TRMT5: variants seen among roughly 807,000 people sequenced by gnomAD.
The protein encoded by TRMT5 is tRNA methyltransferase 5.
A neutral mutation model predicts 42.2 loss-of-function variants in TRMT5; 31 were observed. The observed-to-expected ratio is 0.73, with a 90% CI of 0.55 to 0.99. The LOEUF is 0.99. TRMT5 is among the 50% of genes least tolerant of loss of function. TRMT5 has a pLI of 0.00. For synonymous variants in TRMT5, 198 were observed against 209.6 expected, an observed-to-expected ratio of 0.94 and a Z score of 0.48; for missense variants, 568 against 595.0, an observed-to-expected ratio of 0.95 and a Z score of 0.47.
chr14:60,981,400 G>A (rs1207859085), upstream of TRMT5: 1 of 1,569,322 alleles, frequency 6.4e-7, no homozygotes, highest in East Asian at 2.3e-5. Context: ...GGCTGTGTTC[G>A]CTTCCCCGCG....
Position 60,975,726 on chromosome 14 carries a change from G to A in TRMT5, c.1193C>T (p.Ala398Val), listed in dbSNP as rs1422641047. 6 of 1,614,208 alleles carry A rather than the reference G, an allele frequency of 3.7e-6. No individual in the cohort carries two copies. The highest frequency in any genetic ancestry group is 5.1e-6 in the Non-Finnish European group (6 of 1,180,040). The change falls in exon 4 of 5, where the codon GCT (alanine) becomes GTT (valine). Residue 398 changes from alanine to valine, a missense_variant. Ala to Val is a moderately conservative substitution (Grantham distance 64, BLOSUM62 0). Coordinates refer to ENST00000261249, the MANE Select transcript of TRMT5 (RefSeq NM_020810.3). ...CTGCCCATCTAAAAGCCACTTGAAA[G>A]CACTAAGAAACTCTATAGCTTTTGC... ...LPAKAIEFLS[A>V]FKWLLDGQPC...
chr14:60,973,111 T>C lies in TRMT5; in HGVS notation c.*1998A>G, dbSNP rs190621623. On this transcript the variant is annotated 3_prime_UTR_variant, in exon 5 of 5. Transcript: ENST00000261249. ...TCTTGTTTCTTTCTCTTTGATAGTA[T>C]GACAAATGTGTAAGGATATTGTCAT... 6 of 152,420 alleles carry C rather than the reference T, an allele frequency of 3.9e-5. No individual in the cohort carries two copies. The highest frequency in any genetic ancestry group is 9.6e-5 in the African/African-American group (4 of 41,606). The allele number at this position is 152,420 out of a possible 1,614,324, so 9.4% of individuals were successfully genotyped here.
In TRMT5 at chr14:60,972,826, T is replaced by C. The variant is rs2036794753; in HGVS notation, c.*2283A>G. 1 of 162,830 alleles carries C rather than the reference T, an allele frequency of 6.1e-6. No individual in the cohort carries two copies. Among genetic ancestry groups the C allele is most frequent in the Non-Finnish European group, 1.3e-5 (1 of 75,246 alleles). 10.1% of individuals were successfully genotyped at this position (162,830 alleles called of 1,614,324 possible). ...AGATAGGTATTGCCAAATACTGCTATCAATCCAGGAGCATATGAAATTAAC... is the reference window on the plus strand; with the variant it reads ...AGATAGGTATTGCCAAATACTGCTACCAATCCAGGAGCATATGAAATTAAC... On this transcript the variant is annotated 3_prime_UTR_variant, in exon 5 of 5. Coordinates refer to ENST00000261249, the MANE Select transcript of TRMT5 (RefSeq NM_020810.3).
rs1417613341 is a variant in TRMT5 at position 60,973,203 on chromosome 14, G to A, written c.*1906C>T. On this transcript the variant is annotated 3_prime_UTR_variant, in exon 5 of 5. Transcript: ENST00000261249. ...CCATATCAAAGTTGTTTTGCCTTGT[G>A]TTTTAGGCCATTCTTGCATTGCTAT... 2 of 152,164 alleles carry A rather than the reference G, an allele frequency of 1.3e-5. No individual in the cohort carries two copies. Among genetic ancestry groups the A allele is most frequent in the Non-Finnish European group, 1.5e-5 (1 of 68,026 alleles). 9.4% of individuals were successfully genotyped at this position (152,164 alleles called of 1,614,324 possible). A position where few individuals can be genotyped will look rare whatever the true frequency, so the allele number is the denominator to read the frequency against.
chr14:60,981,503 C>T (rs2037017410), upstream of TRMT5: 1 of 1,535,312 alleles, frequency 6.5e-7, no homozygotes, highest in Admixed American at 2.0e-5. Flanking sequence ...AGCCTGAACC[C>T]TGGGGGATGG....
At position 60,975,612 on chromosome 14, in the gene TRMT5, C is replaced by G. The variant is rs1479752398; in HGVS notation, c.1307G>C (p.Gly436Ala). The G allele has an allele frequency of 1.9e-6, 3 of 1,614,054 alleles. No homozygotes were observed. Residue 436 changes from glycine to alanine, a missense_variant, in exon 4 of 5, where the codon GGA becomes GCA. By Grantham distance (60) the Gly-to-Ala change is moderately conservative. Transcript: ENST00000261249. ...NPAEDVRQRA[G>A]AVLGISLEAC... is the part of the protein sequence containing the mutation. ...CTCCAGAGAAATGCCTAACACAGCTCCAGCCCTTTGCCGAACATCCTCAGC... is the reference window on the plus strand; with the variant it reads ...CTCCAGAGAAATGCCTAACACAGCTGCAGCCCTTTGCCGAACATCCTCAGC...
intron 2 of TRMT5, among the ~76,000 whole-genome samples, chr14:60,978,158 A>G (rs1369770004): frequency 2.0e-5 from 3 of 152,330 alleles, no homozygotes; most frequent in East Asian, 3.9e-4. Context: ...TAGATTATTT[A>G]CAGTCCTATC....
chr14:60,981,369 C>T (rs747978137), upstream of TRMT5: 8 of 1,602,432 alleles, frequency 5.0e-6, no homozygotes, highest in African/African-American at 1.1e-4. Context: ...GAGTTGAGTC[C>T]GTTGCTAAGC....
chr14:60,975,979 T>G lies in TRMT5; in HGVS notation c.940A>C (p.Ile314Leu). The change falls in exon 4 of 5, where the codon ATT becomes CTT. Residue 314 changes from isoleucine (I) to leucine (L), a missense_variant. Transcript: ENST00000261249. Reference protein sequence around the residue: ...DVFAGVGPFAIPVAKKNCTVF... With the variant: ...DVFAGVGPFALPVAKKNCTVF... ...GTGCAGTTTTTCTTTGCTACTGGAA[T>G]GGCAAAGGGCCCAACCCCAGCAAAA... 6.2e-7 allele frequency: 1 copy of G among 1,614,200 alleles called. No homozygotes were observed.
chr14:60,978,444 G>C (rs1594926829), intron 2 of TRMT5, among the ~76,000 whole-genome samples: 2 of 152,128 alleles, frequency 1.3e-5, no homozygotes, highest in Middle Eastern at 3.4e-3. Flanking sequence ...TACCCTTTCT[G>C]CTTCATGTAT....
Position 60,975,959 on chromosome 14 carries a change from G to C in TRMT5, c.960C>G (p.Asn320Lys). Residue 320 changes from asparagine to lysine, a missense_variant, in exon 4 of 5, where the codon AAC (asparagine) becomes AAG (lysine). By Grantham distance (94) the Asn-to-Lys change is moderately conservative. Transcript: ENST00000261249. ...GPFAIPVAKK[N>K]CTVFANDLNP... ...TGAGATCATTGGCAAATACAGTGCA[G>C]TTTTTCTTTGCTACTGGAATGGCAA... 4.3e-6 allele frequency: 7 copies of C among 1,614,198 alleles called. No homozygotes were observed. Among genetic ancestry groups the C allele is most frequent in the Non-Finnish European group, 5.9e-6 (7 of 1,180,034 alleles).
In TRMT5 at chr14:60,975,623, C is replaced by A. The variant is rs765192728; in HGVS notation, c.1296G>T (p.Arg432=). Reference sequence around the variant, plus strand: ...TGCCTAACACAGCTCCAGCCCTTTGCCGAACATCCTCAGCAGGGTTAGCAT... The same window carrying A: ...TGCCTAACACAGCTCCAGCCCTTTGACGAACATCCTCAGCAGGGTTAGCAT... ...SKDANPAEDV[R]QRAGAVLGIS... is the part of the protein sequence containing the mutation. The change falls in exon 4 of 5, where the codon CGG becomes CGT. Residue 432 remains arginine, a synonymous_variant. Transcript: ENST00000261249. 8.1e-6 allele frequency: 13 copies of A among 1,614,166 alleles called. No homozygotes were observed. The highest frequency in any genetic ancestry group is 1.0e-5 in the Non-Finnish European group (12 of 1,180,032).
At chr14:60,978,477 A>G (rs1275828812) in intron 2 of TRMT5, among the ~76,000 whole-genome samples, 1 of 152,210 alleles carries the variant, frequency 6.6e-6, no homozygotes, top group African/African-American at 2.4e-5. Flanking sequence ...TTTAAGGTAC[A>G]GAATTTAGTT....
intron 3 of TRMT5, among the ~76,000 whole-genome samples, chr14:60,976,902 G>A (rs1311775978): frequency 6.6e-6 from 1 of 152,142 alleles, no homozygotes; most frequent in Non-Finnish European, 1.5e-5. Flanking sequence ...TATGACCTCA[G>A]CCATCATCTT....
Position 60,973,152 on chromosome 14 carries a change from A to C in TRMT5, c.*1957T>G, listed in dbSNP as rs542997433. The C allele has an allele frequency of 5.3e-5, 8 of 152,352 alleles. No homozygotes were observed. The highest frequency in any genetic ancestry group is 1.7e-4 in the African/African-American group (7 of 41,580). The allele number at this position is 152,352 out of a possible 1,614,324, so 9.4% of individuals were successfully genotyped here. On this transcript the variant is annotated 3_prime_UTR_variant, in exon 5 of 5. Coordinates refer to ENST00000261249, the MANE Select transcript of TRMT5 (RefSeq NM_020810.3). ...ATATTGTCATCAAATATTGTGATTC[A>C]AATATCGATTGTCAAAATGACTGTA...
chr14:60,975,738 T>A lies in TRMT5; in HGVS notation c.1181A>T (p.Glu394Val), dbSNP rs747344506. ...VVMNLPAKAI[E>V]FLSAFKWLLD... ...AAGCCACTTGAAAGCACTAAGAAAC[T>A]CTATAGCTTTTGCTGGCAAGTTCAT... The change falls in exon 4 of 5, where the codon GAG becomes GTG. Residue 394 changes from glutamate to valine, a missense_variant. By Grantham distance (121) the Glu-to-Val change is moderately radical. Transcript: ENST00000261249. 6.2e-7 allele frequency: 1 copy of A among 1,614,172 alleles called. No homozygotes were observed. Among genetic ancestry groups the A allele is most frequent in the East Asian group, 2.2e-5 (1 of 44,886 alleles).
Position 60,974,059 on chromosome 14 carries a change from C to T in TRMT5, c.*1050G>A, listed in dbSNP as rs1392956626. ...TAGCTTAGCTATATAGATGCTTTGT[C>T]GTCTAATTCAACATCAAAATAATTC... On this transcript the variant is annotated 3_prime_UTR_variant, in exon 5 of 5. Coordinates refer to ENST00000261249, the MANE Select transcript of TRMT5 (RefSeq NM_020810.3). The T allele has an allele frequency of 2.6e-5, 4 of 152,086 alleles. No homozygotes were observed. 9.4% of individuals were successfully genotyped at this position (152,086 alleles called of 1,614,324 possible).
rs78987129 is a variant in TRMT5 at position 60,975,694 on chromosome 14, T to G, written c.1225A>C (p.Ser409Arg). The change falls in exon 4 of 5, where the codon AGC becomes CGC. Residue 409 changes from serine to arginine, a missense_variant. Ser to Arg is a moderately radical substitution (Grantham distance 110). Coordinates refer to ENST00000261249, the MANE Select transcript of TRMT5 (RefSeq NM_020810.3). The stretch of plus-strand genomic sequence containing the variant: ...TGCACTATGGGAAGGAACTCACTGC[T>G]GCATGGCTGCCCATCTAAAAGCCAC... ...FKWLLDGQPC[S>R]SEFLPIVHCY... The G allele has an allele frequency of 5.7e-4, 918 of 1,614,222 alleles. 4 individuals carry two copies. In the African/African-American group the frequency reaches 0.011, roughly 19 times the overall value.
At position 60,979,889 on chromosome 14, in the gene TRMT5, TAAAAAAAA is replaced by T. The variant is rs369134720; in HGVS notation, c.12-11_12-4del. Reference sequence around the variant, plus strand: ...ATCCAAATGGCCTCCATAAGATCCTTAAAAAAAAAAAAAAAAAATTCACACACGACAGC... The same window carrying T: ...ATCCAAATGGCCTCCATAAGATCCTTAAAAAAAAAATTCACACACGACAGC... On this transcript the variant is annotated splice_region_variant and splice_polypyrimidine_tract_variant and intron_variant, in intron 1 of 4. Transcript: ENST00000261249. The T allele has an allele frequency of 7.4e-7, 1 of 1,358,668 alleles. No individual in the cohort carries two copies. Among genetic ancestry groups the T allele is most frequent in the Non-Finnish European group, 9.7e-7 (1 of 1,031,414 alleles). 84.2% of individuals were successfully genotyped at this position (1,358,668 alleles called of 1,614,324 possible).
Sources: gnomAD v4.1 joint callset for allele counts (sites outside exome capture counted in the v4.1 genomes callset) on GRCh38, gnomAD v4.1.1 for gene constraint, MANE v1.5 for transcripts, NCBI Gene and HGNC (gene_info 2026-07-23, HGNC 2026-07-21) for gene names.